Variants in UGT1A4 observed in about 807,000 individuals in gnomAD.
UGT1A4 encodes UDP-glucuronosyltransferase 1A4.
Under a neutral mutation model 41.1 loss-of-function variants are expected in UGT1A4, and 32 were observed. The observed-to-expected ratio is 0.78, with a 90% CI of 0.59 to 1.05. The LOEUF is 1.05. Among genes scored for constraint, UGT1A4 ranks in the 50% least tolerant of loss-of-function variants. The pLI, the probability that UGT1A4 is intolerant of heterozygous loss-of-function variation, is 0.00. For synonymous variants in UGT1A4, 283 were observed against 265.1 expected (o/e 1.07, Z -0.66); for missense variants, 748 against 677.4 (o/e 1.10, Z -1.16).
At chr2:233,747,436 T>C (rs1449782015) in intron 1 of UGT1A4, 22 of 1,608,824 alleles carry the variant, frequency 1.4e-5, no homozygotes, top group African/African-American at 2.7e-5. Flanking sequence ...GAGAAATTTT[T>C]CACCCTGACA....
intron 2 of UGT1A4, 140 bp downstream of exon 2, chr2:233,767,305 GTTTT>G: frequency 4.6e-6 from 7 of 1,519,176 alleles, no homozygotes; most frequent in Non-Finnish European, 4.4e-6. Context: ...TAATCCAAAG[GTTTT>G]TTTTGTTGTT....
intron 1 of UGT1A4, among the ~76,000 whole-genome samples, chr2:233,741,049 G>T (rs1450798291): frequency 1.3e-5 from 2 of 151,748 alleles, no homozygotes; most frequent in Non-Finnish European, 2.9e-5. Context: ...ATCTTGCCTA[G>T]GTAACAGCTA....
At chr2:233,754,202 GAAGTCA>G (rs1362706108) in intron 1 of UGT1A4, 1 of 162,518 alleles carries the variant, frequency 6.2e-6, no homozygotes, top group East Asian at 1.7e-4. Context: ...GTAAAACATT[GAAGTCA>G]AATGATTTAG....
chr2:233,761,977 C>T (rs1011491640), intron 1 of UGT1A4, among the ~76,000 whole-genome samples: 8 of 152,204 alleles, frequency 5.3e-5, no homozygotes, highest in African/African-American at 1.9e-4. Context: ...ATATCACCTT[C>T]GGAGGTGACC....
At chr2:233,745,112 G>C (rs1457181143) in intron 1 of UGT1A4, among the ~76,000 whole-genome samples, 1 of 151,730 alleles carries the variant, frequency 6.6e-6, no homozygotes, top group Non-Finnish European at 1.5e-5. Flanking sequence ...TTAATCTGCT[G>C]TTGGCTGAAT....
Position 233,772,402 on chromosome 2 carries a change from C to T in UGT1A4, c.1448C>T (p.Thr483Ile), listed in dbSNP as rs1279219087. The T allele has an allele frequency of 6.2e-7, 1 of 1,614,144 alleles. No individual in the cohort carries two copies. The highest frequency in any genetic ancestry group is 1.3e-5 in the African/African-American group (1 of 74,938). ...CTGCGCCCCGCAGCCCACGACCTCA[C>T]CTGGTACCAGTACCATTCCTTGGAC... ...PHLRPAAHDLTWYQYHSLDVI... is the reference protein window; with the variant it reads ...PHLRPAAHDLIWYQYHSLDVI... The change falls in exon 5 of 5, where the codon ACC (threonine) becomes ATC (isoleucine). Residue 483 changes from threonine to isoleucine, a missense_variant. By Grantham distance (89) the Thr-to-Ile change is moderately conservative. Coordinates refer to ENST00000373409, the MANE Select transcript of UGT1A4 (RefSeq NM_007120.3).
rs1384702379 is a variant in UGT1A4, at chr2:233,760,914, G to A, written c.868-6120G>A. ...CAGATCACATGACCTTCCTGCAGCG[G>A]GTGAAGAACATGCTCATTGCCTTTT... On this transcript the variant is annotated intron_variant, in intron 1 of 4. Transcript: ENST00000373409. The A allele has an allele frequency of 2.5e-6, 4 of 1,614,148 alleles. No individual in the cohort carries two copies. In the African/African-American group the frequency reaches 4.0e-5, roughly 16 times the overall value.
At chr2:233,724,697 C>T (rs1320609945) in intron 1 of UGT1A4, among the ~76,000 whole-genome samples, 4 of 144,998 alleles carry the variant, frequency 2.8e-5, no homozygotes, top group East Asian at 2.2e-4. Context: ...CGGGTGAAGA[C>T]GCTCCTCGCT....
Position 233,767,871 on chromosome 2 carries a change from C to G in UGT1A4, c.1022C>G (p.Thr341Ser). The stretch of plus-strand genomic sequence containing the variant: ...CAGGTCCTGTGGCGGTACACTGGAA[C>G]CCGACCATCGAATCTTGCGAACAAC... ...PQTVLWRYTG[T>S]RPSNLANNTI... The change falls in exon 3 of 5, where the codon ACC becomes AGC. Residue 341 changes from threonine to serine, a missense_variant. Coordinates refer to ENST00000373409, the MANE Select transcript of UGT1A4 (RefSeq NM_007120.3). The G allele has an allele frequency of 6.2e-7, 1 of 1,614,154 alleles. No homozygotes were observed. Among genetic ancestry groups the G allele is most frequent in the Non-Finnish European group, 8.5e-7 (1 of 1,180,040 alleles).
intron 1 of UGT1A4, among the ~76,000 whole-genome samples, chr2:233,766,091 G>A (rs558812390): frequency 4.6e-5 from 7 of 152,254 alleles, no homozygotes; most frequent in African/African-American, 1.7e-4. Flanking sequence ...AAGGACAGAG[G>A]GCTTTCTGTA....
At position 233,719,313 on chromosome 2, in the gene UGT1A4, C is replaced by A; in HGVS notation, c.493C>A (p.Leu165Met). 2 of 1,613,954 alleles carry A rather than the reference C, an allele frequency of 1.2e-6. No individual in the cohort carries two copies. Among genetic ancestry groups the A allele is most frequent in the Non-Finnish European group, 1.7e-6 (2 of 1,179,882 alleles). ...NLCGAVLAKY[L>M]SIPAVFFWRY... ...CTGTGGGGCGGTGCTGGCTAAGTAC[C>A]TGTCGATTCCTGCTGTGTTTTTTTG... Residue 165 changes from leucine to methionine, a missense_variant, in exon 1 of 5, where the codon CTG (leucine) becomes ATG (methionine). By Grantham distance (15) the Leu-to-Met change is conservative (BLOSUM62 2). Coordinates refer to ENST00000373409, the MANE Select transcript of UGT1A4 (RefSeq NM_007120.3).
chr2:233,769,756 A>G lies in UGT1A4; in HGVS notation c.1307+1317A>G. 2 of 1,425,682 alleles carry G rather than the reference A, an allele frequency of 1.4e-6. No individual in the cohort carries two copies. Among genetic ancestry groups the G allele is most frequent in the Non-Finnish European group, 1.8e-6 (2 of 1,086,462 alleles). The allele number at this position is 1,425,682 out of a possible 1,614,324, so 88.3% of individuals were successfully genotyped here. ...TGTAGTCCCAGCCACTCTGGAGGCT[A>G]AGGCGGGAGGATTGCTTGAGCCCAG... On this transcript the variant is annotated intron_variant, in intron 4 of 4. Transcript: ENST00000373409. The surrounding 1 kb of genome is among the most constrained non-coding windows in gnomAD (Gnocchi z 4.4).
chr2:233,772,688 G>A lies in UGT1A4; in HGVS notation c.*129G>A, dbSNP rs1369161059. The A allele has an allele frequency of 1.3e-6, 2 of 1,494,182 alleles. No individual in the cohort carries two copies. Among genetic ancestry groups the A allele is most frequent in the Non-Finnish European group, 1.8e-6 (2 of 1,128,718 alleles). 92.6% of individuals were successfully genotyped at this position (1,494,182 alleles called of 1,614,324 possible). A position where few individuals can be genotyped will look rare whatever the true frequency, so the allele number is the denominator to read the frequency against. Reference sequence around the variant, plus strand: ...ACTTTGCATAAATTAATCAGCCCCAGAGTGCTTTAAAAAATTCTCTTAAAT... The same window carrying A: ...ACTTTGCATAAATTAATCAGCCCCAAAGTGCTTTAAAAAATTCTCTTAAAT... On this transcript the variant is annotated 3_prime_UTR_variant, in exon 5 of 5. Transcript: ENST00000373409.
chr2:233,772,478 T>C lies in UGT1A4; in HGVS notation c.1524T>C (p.Phe508=). ...AVVLTVAFIT[F]KCCAYGYRKC... Reference sequence around the variant, plus strand: ...TGCTGACAGTGGCCTTCATCACCTTTAAATGTTGTGCTTATGGCTACCGGA... The same window carrying C: ...TGCTGACAGTGGCCTTCATCACCTTCAAATGTTGTGCTTATGGCTACCGGA... The change falls in exon 5 of 5, where the codon TTT becomes TTC. Residue 508 remains phenylalanine (F), a synonymous_variant. Transcript: ENST00000373409. 1 of 1,614,184 alleles carries C rather than the reference T, an allele frequency of 6.2e-7. No homozygotes were observed. Among genetic ancestry groups the C allele is most frequent in the South Asian group, 1.1e-5 (1 of 91,086 alleles).
rs566468987 is a variant in UGT1A4, at chr2:233,735,438, T to C, written c.867+15751T>C. ...TGAGATAGGCCTCCTGAATACAGCA[T>C]ACCGATGGGCCTTGACTCTTTATCC... On this transcript the variant is annotated intron_variant, in intron 1 of 4. Transcript: ENST00000373409. Among the ~76,000 whole-genome samples, 10 of 152,290 alleles carry C rather than the reference T, an allele frequency of 6.6e-5. No homozygotes were observed. The East Asian group carries it at 7.7e-4, about 12-fold the overall frequency.
chr2:233,747,333 C>T, intron 1 of UGT1A4: 1 of 1,603,778 alleles, frequency 6.2e-7, no homozygotes, highest in South Asian at 1.1e-5. Flanking sequence ...ATGGCAGCCA[C>T]TGGCTCGCAT....
At chr2:233,759,465 A>T (rs1383052277) in intron 1 of UGT1A4, among the ~76,000 whole-genome samples, 2 of 152,106 alleles carry the variant, frequency 1.3e-5, no homozygotes, top group Non-Finnish European at 2.9e-5. Flanking sequence ...GCCACTCAAG[A>T]TCTATCTTAC....
intron 1 of UGT1A4, among the ~76,000 whole-genome samples, chr2:233,739,678 T>A (rs1691173919): frequency 6.6e-6 from 1 of 152,240 alleles, no homozygotes; most frequent in Non-Finnish European, 1.5e-5. Context: ...TGGAAGTTAC[T>A]AACTTGTTTT....
chr2:233,752,290 C>T (rs1244302370), intron 1 of UGT1A4: 16 of 152,170 alleles, frequency 1.1e-4, no homozygotes, highest in Admixed American at 1.0e-3. Flanking sequence ...CTCACAGGGT[C>T]ATGCCTTTCC....
Sources: gnomAD v4.1 joint callset for allele counts (sites outside exome capture counted in the v4.1 genomes callset) on GRCh38, gnomAD v4.1.1 for gene constraint, Gnocchi (gnomAD v3.1) non-coding constraint, MANE v1.5 for transcripts, NCBI Gene and HGNC (gene_info 2026-07-23, HGNC 2026-07-21) for gene names.